The following PCDH11X variants were observed in gnomAD, a reference collection of about 807,000 sequenced individuals.
The protein encoded by PCDH11X is protocadherin-11 X-linked.
PCDH11X carries 18 observed loss-of-function variants against 53.3 expected under a neutral mutation model. That is an observed-to-expected ratio of 0.34 (90% CI 0.23 to 0.50). The LOEUF (loss-of-function observed/expected upper bound fraction) is 0.50, where lower values mean the gene tolerates loss of function less well. PCDH11X is among the 20% of genes least tolerant of loss of function. The pLI, the probability that PCDH11X is intolerant of heterozygous loss-of-function variation, is 0.98. For synonymous variants in PCDH11X, 279 were observed against 393.3 expected, an observed-to-expected ratio of 0.71 and a Z score of 3.44; for missense variants, 570 against 1,032.4, an observed-to-expected ratio of 0.55 and a Z score of 6.14.
intron 6 of PCDH11X, among the ~76,000 whole-genome samples, chrX:92,103,455 C>T (rs887853178): frequency 9.0e-6 from 1 of 111,085 alleles, no homozygotes; most frequent in Non-Finnish European, 1.9e-5. Flanking sequence ...ACCTAAAGCT[C>T]GGCGTCCGTG....
intron 4 of PCDH11X, among the ~76,000 whole-genome samples, chrX:91,827,510 T>C (rs1212762903): frequency 9.1e-6 from 1 of 110,294 alleles, no homozygotes; most frequent in African/African-American, 3.3e-5. Flanking sequence ...TTTGGCATGT[T>C]CATCATGAAA....
chrX:92,488,032 C>T (rs2073681925), intron 10 of PCDH11X, among the ~76,000 whole-genome samples: 1 of 112,599 alleles, frequency 8.9e-6, no homozygotes, highest in Non-Finnish European at 1.9e-5. Context: ...AACTGCTGGG[C>T]TCAAGTCATC....
chrX:92,139,801 T>C (rs2065148602), intron 6 of PCDH11X, among the ~76,000 whole-genome samples: 1 of 111,202 alleles, frequency 9.0e-6, no homozygotes, highest in Non-Finnish European at 1.9e-5. Context: ...CAGCAGAGAA[T>C]GTGACATACA....
chrX:92,099,014 G>A (rs1402819025), intron 6 of PCDH11X, among the ~76,000 whole-genome samples: 1 of 111,919 alleles, frequency 8.9e-6, no homozygotes, highest in Non-Finnish European at 1.9e-5. Context: ...AAAGGGTAAT[G>A]ACATGCCATA....
At chrX:91,853,941 G>T (rs1010165510) in intron 5 of PCDH11X, among the ~76,000 whole-genome samples, 2 of 110,276 alleles carry the variant, frequency 1.8e-5, no homozygotes, top group African/African-American at 6.6e-5. Context: ...ATACAGACAT[G>T]CAATTGTCAT....
intron 8 of PCDH11X, among the ~76,000 whole-genome samples, chrX:92,320,200 C>A (rs1214560410): frequency 9.0e-6 from 1 of 111,480 alleles, no homozygotes; most frequent in African/African-American, 3.3e-5. Context: ...GTGTCTGTGG[C>A]AATCGGCTAG....
intron 9 of PCDH11X, among the ~76,000 whole-genome samples, chrX:92,462,102 T>G (rs2148657555): frequency 8.9e-6 from 1 of 111,830 alleles, no homozygotes; most frequent in African/African-American, 3.2e-5. Flanking sequence ...GTTTTGAAAT[T>G]TTTTATTCTA....
intron 10 of PCDH11X, among the ~76,000 whole-genome samples, chrX:92,485,721 T>C (rs754062737): frequency 1.8e-5 from 2 of 111,755 alleles, no homozygotes; most frequent in South Asian, 7.5e-4. Context: ...AAAAGTCTTA[T>C]TAAATGTAGA....
chrX:92,084,458 A>C (rs765798243), intron 6 of PCDH11X, among the ~76,000 whole-genome samples: 11 of 107,956 alleles, frequency 1.0e-4, no homozygotes, highest in Non-Finnish European at 2.1e-4. Flanking sequence ...GAGGCAGGAG[A>C]ATCGCTTGAA....
chrX:92,019,730 C>T (rs2062853823), intron 6 of PCDH11X, among the ~76,000 whole-genome samples: 1 of 112,122 alleles, frequency 8.9e-6, no homozygotes, highest in Non-Finnish European at 1.9e-5. Flanking sequence ...AAACTTATAG[C>T]ACTAAACGCC....
At chrX:92,517,297 T>A (rs1296661743) in intron 10 of PCDH11X, among the ~76,000 whole-genome samples, 1 of 111,990 alleles carries the variant, frequency 8.9e-6, no homozygotes, top group Non-Finnish European at 1.9e-5. Flanking sequence ...CAAATGTGAG[T>A]TGGAATTGCA....
chrX:91,866,214 G>C (rs1183162220), intron 5 of PCDH11X, among the ~76,000 whole-genome samples: 1 of 110,363 alleles, frequency 9.1e-6, no homozygotes, highest in African/African-American at 3.3e-5. Flanking sequence ...CCTTGGGTTA[G>C]GGGACAGGGG....
chrX:92,096,452 G>A (rs958438991), intron 6 of PCDH11X, among the ~76,000 whole-genome samples: 4 of 108,921 alleles, frequency 3.7e-5, no homozygotes, highest in Non-Finnish European at 5.7e-5. Flanking sequence ...GTGTGTGTGT[G>A]TGTGTGTGTG....
At position 92,191,273 on chromosome X, in the gene PCDH11X, C is replaced by A. The variant is rs940496687; in HGVS notation, c.3034-10102C>A. On this transcript the variant is annotated intron_variant, in intron 6 of 10. Transcript: ENST00000682573. The stretch of plus-strand genomic sequence containing the variant: ...CATTTATTTCCAGTCATATTTCAGA[C>A]AACTGACTTGTTGCTTTTCCTAATT... 3.6e-5 allele frequency among the ~76,000 whole-genome samples: 4 copies of A among 112,190 alleles called. No homozygotes were observed. In the Admixed American group the frequency reaches 3.8e-4, roughly 11 times the overall value.
In PCDH11X at chrX:92,278,744, G is replaced by A. The variant is rs996555137; in HGVS notation, c.3144+15601G>A. Among the ~76,000 whole-genome samples, 54 of 109,599 alleles carry A rather than the reference G, an allele frequency of 4.9e-4. 1 individual carries two copies. The highest frequency in any genetic ancestry group is 5.7e-5 in the Non-Finnish European group (3 of 52,681). ...TACTTCAGGCCATCTGGTCATATCC[G>A]TGCAAGTCACAGGGGATGTGATGGC... On this transcript the variant is annotated intron_variant, in intron 8 of 10. Transcript: ENST00000682573.
chrX:92,149,396 A>G (rs2065388282), intron 6 of PCDH11X, among the ~76,000 whole-genome samples: 1 of 110,066 alleles, frequency 9.1e-6, no homozygotes, highest in East Asian at 2.8e-4. Context: ...TGACAAGGAT[A>G]TAGGCTGGAA....
chrX:92,506,366 T>C (rs1425682962), intron 10 of PCDH11X, among the ~76,000 whole-genome samples: 2 of 103,520 alleles, frequency 1.9e-5, no homozygotes, highest in Non-Finnish European at 3.9e-5. Context: ...TGATGTTGGC[T>C]GTGGGTTTGT....
At chrX:92,366,673 G>A (rs1350988184) in intron 8 of PCDH11X, among the ~76,000 whole-genome samples, 1 of 80,968 alleles carries the variant, frequency 1.2e-5, no homozygotes, top group Non-Finnish European at 2.4e-5. Flanking sequence ...GCTGTGTCCC[G>A]GAGATTCTGG....
At chrX:91,981,976 A>G (rs990560675) in intron 6 of PCDH11X, among the ~76,000 whole-genome samples, 6 of 108,149 alleles carry the variant, frequency 5.5e-5, no homozygotes, top group African/African-American at 2.0e-4. Flanking sequence ...TGTTGTCACC[A>G]TGTGATTACA....
Sources: gnomAD v4.1 joint callset for allele counts (sites outside exome capture counted in the v4.1 genomes callset) on GRCh38, gnomAD v4.1.1 for gene constraint, MANE v1.5 for transcripts, NCBI Gene and HGNC (gene_info 2026-07-23, HGNC 2026-07-21) for gene names.